HOXB3: variants seen among roughly 807,000 people sequenced by gnomAD.
HOXB3 encodes the protein homeobox protein Hox-B3.
In HOXB3, 17 loss-of-function variants were observed where a neutral mutation model predicts 29.2. The ratio of observed to expected loss-of-function variants is 0.58; its 90% confidence interval spans 0.40 to 0.87. The LOEUF is 0.87. HOXB3 is among the 40% of genes least tolerant of loss of function. The pLI is 0.00. For synonymous variants in HOXB3, 317 were observed against 285.9 expected (o/e 1.11, Z -1.10); for missense variants, 637 against 616.3 (o/e 1.03, Z -0.35).
chr17:48,561,970 A>G (rs2069212329), intron 2 of HOXB3, among the ~76,000 whole-genome samples: 1 of 152,206 alleles, frequency 6.6e-6, no homozygotes. Flanking sequence ...AGTTCAGACA[A>G]TAACGGGCAC....
Position 48,555,613 on chromosome 17 carries a change from C to T in HOXB3, c.-241G>A, listed in dbSNP as rs1278777186. The T allele has an allele frequency of 4.3e-6, 3 of 702,642 alleles. No individual in the cohort carries two copies. Among genetic ancestry groups the T allele is most frequent in the East Asian group, 2.7e-5 (1 of 37,290 alleles). The allele number at this position is 702,642 out of a possible 1,614,324, so 43.5% of individuals were successfully genotyped here. A position where few individuals can be genotyped will look rare whatever the true frequency, so the allele number is the denominator to read the frequency against. ...AGAGCGAGCGGCAGGCGACAAATCTCCCCTCCTTGAAGGCAAAGGAAAAAA... is the reference window on the plus strand; with the variant it reads ...AGAGCGAGCGGCAGGCGACAAATCTTCCCTCCTTGAAGGCAAAGGAAAAAA... On this transcript the variant is annotated 5_prime_UTR_variant, in exon 3 of 5. Transcript: ENST00000498678.
At chr17:48,582,764 C>T (rs1162453091) in intron 1 of HOXB3, 1 of 152,308 alleles carries the variant, frequency 6.6e-6, no homozygotes, top group African/African-American at 2.4e-5. Flanking sequence ...CTTCATCCAA[C>T]CCCCACCCGA....
chr17:48,555,635 A>T lies in HOXB3; in HGVS notation c.-246-17T>A. The T allele has an allele frequency of 1.4e-6, 1 of 702,662 alleles. No individual in the cohort carries two copies. The allele number at this position is 702,662 out of a possible 1,614,324, so 43.5% of individuals were successfully genotyped here. ...TCTCCCCTCCTTGAAGGCAAAGGAA[A>T]AAAAGACCACTGTTTAAAGCTGCGT... On this transcript the variant is annotated splice_polypyrimidine_tract_variant and intron_variant, in intron 2 of 4. Transcript: ENST00000498678.
At chr17:48,589,997 C>T (rs1393621488) in intron 1 of HOXB3, 128 bp downstream of exon 1, 1 of 152,194 alleles carries the variant, frequency 6.6e-6, no homozygotes, top group Non-Finnish European at 1.5e-5. Context: ...TCCCTTAGAA[C>T]TGGGTGCATA....
chr17:48,576,610 A>T, intron 1 of HOXB3: 1 of 919,176 alleles, frequency 1.1e-6, no homozygotes, highest in Non-Finnish European at 1.6e-6. Flanking sequence ...GGGAGGGCAG[A>T]TAGATTTTTC....
rs2068951884 is a variant in HOXB3 at position 48,555,590 on chromosome 17, A to G, written c.-218T>C. 1.4e-6 allele frequency: 1 copy of G among 702,640 alleles called. No individual in the cohort carries two copies. The highest frequency in any genetic ancestry group is 1.7e-5 in the African/African-American group (1 of 57,248). 43.5% of individuals were successfully genotyped at this position (702,640 alleles called of 1,614,324 possible). A position where few individuals can be genotyped will look rare whatever the true frequency, so the allele number is the denominator to read the frequency against. ...AATATATATTCACATCGAGCCCCAG[A>G]GCGAGCGGCAGGCGACAAATCTCCC... On this transcript the variant is annotated 5_prime_UTR_variant, in exon 3 of 5. Coordinates refer to ENST00000498678, the MANE Select transcript of HOXB3 (RefSeq NM_001384749.1).
intron 1 of HOXB3, among the ~76,000 whole-genome samples, chr17:48,582,874 G>A (rs2069977227): frequency 6.6e-6 from 1 of 152,190 alleles, no homozygotes; most frequent in Non-Finnish European, 1.5e-5. Context: ...AGAGTGTGGG[G>A]TTTCATGTGG....
chr17:48,552,678 C>T, intron 3 of HOXB3, 46 bp from the exon 4 acceptor site: 2 of 503,666 alleles, frequency 4.0e-6, no homozygotes, highest in Non-Finnish European at 6.9e-6. Context: ...AGGACTGGGG[C>T]TCGAATCCAT....
intron 1 of HOXB3, among the ~76,000 whole-genome samples, chr17:48,587,808 TAAAAC>T (rs1211679697): frequency 2.0e-5 from 3 of 152,016 alleles, no homozygotes; most frequent in Middle Eastern, 3.4e-3. Context: ...AATAACCAAA[TAAAAC>T]AAAACAAAAA....
chr17:48,576,692 C>A, intron 1 of HOXB3: 1 of 1,553,698 alleles, frequency 6.4e-7, no homozygotes, highest in Non-Finnish European at 8.7e-7. Context: ...ACCCCCACCC[C>A]GAGGTTCGTG....
intron 1 of HOXB3, among the ~76,000 whole-genome samples, chr17:48,589,398 G>A (rs1381311877): frequency 6.6e-6 from 1 of 152,076 alleles, no homozygotes; most frequent in Non-Finnish European, 1.5e-5. Flanking sequence ...CAGGAATTAG[G>A]TTTTGAATTG....
At chr17:48,555,510 G>T (rs1394137414) in intron 3 of HOXB3, 21 bp downstream of exon 3, 3 of 702,574 alleles carry the variant, frequency 4.3e-6, no homozygotes, top group Non-Finnish European at 7.8e-6. Flanking sequence ...CAAACTGATA[G>T]CCTATTTCAG....
At chr17:48,551,797 C>T (rs2068756949) in intron 4 of HOXB3, among the ~76,000 whole-genome samples, 1 of 152,228 alleles carries the variant, frequency 6.6e-6, no homozygotes, top group Non-Finnish European at 1.5e-5. Context: ...TGAGGCCACG[C>T]ACTGGGCCTT....
At chr17:48,582,182 G>A (rs973712347) in intron 1 of HOXB3, 5 of 152,348 alleles carry the variant, frequency 3.3e-5, no homozygotes, top group Non-Finnish European at 5.9e-5. Flanking sequence ...CTCAGCGAGG[G>A]AGCGAAACCG....
In HOXB3 at chr17:48,551,018, C is replaced by G; in HGVS notation, c.612G>C (p.Glu204Asp). 1 of 1,612,148 alleles carries G rather than the reference C, an allele frequency of 6.2e-7. No homozygotes were observed. Among genetic ancestry groups the G allele is most frequent in the Non-Finnish European group, 8.5e-7 (1 of 1,178,672 alleles). The change falls in exon 5 of 5, where the codon GAG becomes GAC. Residue 204 changes from glutamate (E) to aspartate (D), a missense_variant. By Grantham distance (45) the Glu-to-Asp change is conservative. Coordinates refer to ENST00000498678, the MANE Select transcript of HOXB3 (RefSeq NM_001384749.1). ...GGTAGCGGTTAAAATGGAACTCCTTCTCCAGCTCCACCAGCTGCGCGCTCG... is the reference window on the plus strand; with the variant it reads ...GGTAGCGGTTAAAATGGAACTCCTTGTCCAGCTCCACCAGCTGCGCGCTCG... ...AYTSAQLVEL[E>D]KEFHFNRYLC...
chr17:48,567,963 G>A (rs7225635), intron 2 of HOXB3, among the ~76,000 whole-genome samples: 90,377 of 151,958 alleles, frequency 0.59, 27,578 homozygotes, highest in East Asian at 0.76. Context: ...CAATTTGGGT[G>A]ATTCCTTTTC....
In HOXB3 at chr17:48,584,940, G is replaced by A. The variant is rs551215569; in HGVS notation, c.-425+5185C>T. Reference sequence around the variant, plus strand: ...CCCACCGCCCCACCCCGCCCCCGCCGCTAGTCGCCTCCGCCGCTCCCACTC... The same window carrying A: ...CCCACCGCCCCACCCCGCCCCCGCCACTAGTCGCCTCCGCCGCTCCCACTC... On this transcript the variant is annotated intron_variant, in intron 1 of 4. Coordinates refer to ENST00000498678, the MANE Select transcript of HOXB3 (RefSeq NM_001384749.1). 1.5e-3 allele frequency among the ~76,000 whole-genome samples: 50 copies of A among 34,194 alleles called. No homozygotes were observed. The South Asian group carries it at 0.048, about 33-fold the overall frequency. 22.4% of individuals were successfully genotyped at this position (34,194 alleles called of 152,430 possible).
intron 2 of HOXB3, among the ~76,000 whole-genome samples, chr17:48,558,225 C>T (rs1216370544): frequency 6.6e-6 from 1 of 152,124 alleles, no homozygotes; most frequent in Non-Finnish European, 1.5e-5. Flanking sequence ...CAGCCTCGGG[C>T]CGGCTGCAGG....
intron 1 of HOXB3, among the ~76,000 whole-genome samples, chr17:48,577,541 T>C (rs961086213): frequency 3.9e-5 from 6 of 152,126 alleles, no homozygotes; most frequent in Non-Finnish European, 7.3e-5. Flanking sequence ...TCCTCCTCCT[T>C]CTCCTCCTCC....
Sources: gnomAD v4.1 joint callset for allele counts (sites outside exome capture counted in the v4.1 genomes callset) on GRCh38, gnomAD v4.1.1 for gene constraint, MANE v1.5 for transcripts, NCBI Gene and HGNC (gene_info 2026-07-23, HGNC 2026-07-21) for gene names.